Variants in YTHDF1 observed in about 807,000 individuals in gnomAD.
The protein encoded by YTHDF1 is YTH N6-methyladenosine RNA binding protein F1, also known as YTH domain-containing family protein 1.
A neutral mutation model predicts 49.1 loss-of-function variants in YTHDF1; 16 were observed. The ratio of observed to expected loss-of-function variants is 0.33; its 90% confidence interval spans 0.22 to 0.49. YTHDF1 has a LOEUF of 0.49. Among genes scored for constraint, YTHDF1 ranks in the 20% least tolerant of loss-of-function variants. YTHDF1 has a pLI of 0.99. For synonymous variants in YTHDF1, 313 were observed against 290.1 expected, an observed-to-expected ratio of 1.08 and a Z score of -0.80; for missense variants, 621 against 744.3, an observed-to-expected ratio of 0.83 and a Z score of 1.93.
chr20:63,213,752 A>T, intron 3 of YTHDF1, 112 bp downstream of exon 3: 1 of 955,602 alleles, frequency 1.0e-6, no homozygotes, highest in Non-Finnish European at 1.5e-6. Context: ...CTAATACTTT[A>T]TAGTCTGCTG....
rs191308515 is a variant in YTHDF1, at chr20:63,213,797, G to A, written c.132+67C>T. 18 of 1,371,360 alleles carry A rather than the reference G, an allele frequency of 1.3e-5. No homozygotes were observed. The South Asian group carries it at 1.9e-4, about 14-fold the overall frequency. The allele number at this position is 1,371,360 out of a possible 1,614,324, so 84.9% of individuals were successfully genotyped here. ...TTAGGATAATTTAAAAATCAGAAAT[G>A]ACAGTAAAGGTACAAAACAATTAAA... On this transcript the variant is annotated intron_variant, in intron 3 of 4. Coordinates refer to ENST00000370339, the MANE Select transcript of YTHDF1 (RefSeq NM_017798.4).
intron 2 of YTHDF1, 31 bp from the exon 3 acceptor site, chr20:63,213,974 C>T (rs751482283): frequency 6.4e-7 from 1 of 1,563,946 alleles, no homozygotes; most frequent in African/African-American, 1.4e-5. Context: ...ATATTACCCT[C>T]AAATTTTAAA....
chr20:63,204,422 C>T (rs1396055266), intron 3 of YTHDF1, among the ~76,000 whole-genome samples: 1 of 152,180 alleles, frequency 6.6e-6, no homozygotes, highest in African/African-American at 2.4e-5. Context: ...TTCCACACAC[C>T]CTTCCTAGCA....
Position 63,214,080 on chromosome 20 carries a change from G to A in YTHDF1, c.53-137C>T. ...TTTAATTTTAAAAGGAGTACAACCA[G>A]TATAGAACTGATGTTTATACAACTA... On this transcript the variant is annotated intron_variant, in intron 2 of 4. Transcript: ENST00000370339. 3.6e-6 allele frequency: 5 copies of A among 1,392,300 alleles called. No individual in the cohort carries two copies. The South Asian group carries it at 7.7e-5, about 21-fold the overall frequency. The allele number at this position is 1,392,300 out of a possible 1,614,324, so 86.2% of individuals were successfully genotyped here.
rs75849762 is a variant in YTHDF1 at position 63,214,240 on chromosome 20, C to T, written c.53-297G>A. On this transcript the variant is annotated intron_variant, in intron 2 of 4. Coordinates refer to ENST00000370339, the MANE Select transcript of YTHDF1 (RefSeq NM_017798.4). ...AACACATAACCAGGGTGAAAACTGA[C>T]ATGGTCTAAGAAGACTTATGTGTGG... 1,579 of 533,020 alleles carry T rather than the reference C, an allele frequency of 3.0e-3. 22 individuals carry two copies. Among genetic ancestry groups the T allele is most frequent in the African/African-American group, 0.028 (1,362 of 48,390 alleles). The allele number at this position is 533,020 out of a possible 1,614,324, so 33.0% of individuals were successfully genotyped here.
chr20:63,211,487 T>C (rs1479356621), intron 3 of YTHDF1, among the ~76,000 whole-genome samples: 1 of 152,126 alleles, frequency 6.6e-6, no homozygotes, highest in East Asian at 1.9e-4. Flanking sequence ...CCCAGAGCTA[T>C]TGATATGCCC....
chr20:63,213,569 C>A (rs556008801), intron 3 of YTHDF1, among the ~76,000 whole-genome samples: 19 of 152,202 alleles, frequency 1.2e-4, no homozygotes, highest in Admixed American at 2.0e-4. Flanking sequence ...ACACACACAC[C>A]TCCACTGCGT....
At chr20:63,202,264 T>C (rs758524733) in intron 4 of YTHDF1, 23 bp downstream of exon 4, 133 of 1,599,650 alleles carry the variant, frequency 8.3e-5, no homozygotes, top group Non-Finnish European at 1.1e-4. Context: ...TGCATGGCAG[T>C]TGCCTGCAAC....
chr20:63,214,425 G>A (rs2066591311), intron 2 of YTHDF1, among the ~76,000 whole-genome samples: 1 of 152,182 alleles, frequency 6.6e-6, no homozygotes, highest in African/African-American at 2.4e-5. Flanking sequence ...TCTGAGACAG[G>A]TCTCAGTTAA....
intron 2 of YTHDF1, among the ~76,000 whole-genome samples, chr20:63,214,906 G>A (rs925134844): frequency 4.6e-5 from 7 of 152,158 alleles, no homozygotes; most frequent in African/African-American, 1.7e-4. Flanking sequence ...AGTGATTTGG[G>A]TGCCCCAAGA....
intron 4 of YTHDF1, among the ~76,000 whole-genome samples, chr20:63,201,767 C>T (rs1015503877): frequency 1.3e-5 from 2 of 152,164 alleles, no homozygotes; most frequent in African/African-American, 2.4e-5. Flanking sequence ...AATAAAGCAA[C>T]GACCTCCAGA....
intron 3 of YTHDF1, among the ~76,000 whole-genome samples, chr20:63,208,138 A>G (rs935367019): frequency 3.9e-5 from 6 of 152,216 alleles, no homozygotes; most frequent in African/African-American, 1.4e-4. Flanking sequence ...TACTTCCTAT[A>G]TCCATTTTTC....
At chr20:63,211,071 T>C (rs1432418253) in intron 3 of YTHDF1, among the ~76,000 whole-genome samples, 2 of 151,096 alleles carry the variant, frequency 1.3e-5, no homozygotes, top group African/African-American at 4.9e-5. Context: ...GGCATTCTCC[T>C]AAGACTTTCT....
chr20:63,213,362 G>C (rs551391093), intron 3 of YTHDF1, among the ~76,000 whole-genome samples: 2 of 152,314 alleles, frequency 1.3e-5, no homozygotes, highest in African/African-American at 4.8e-5. Flanking sequence ...AACCCGGGAG[G>C]CAGAGGCTGC....
intron 3 of YTHDF1, among the ~76,000 whole-genome samples, chr20:63,205,521 T>A (rs967778945): frequency 1.3e-5 from 2 of 151,870 alleles, no homozygotes; most frequent in Non-Finnish European, 2.9e-5. Flanking sequence ...CCCCCCTTTT[T>A]TTTTTGGGAC....
At chr20:63,200,043 G>A (rs1323298439) in intron 4 of YTHDF1, among the ~76,000 whole-genome samples, 3 of 151,530 alleles carry the variant, frequency 2.0e-5, no homozygotes, top group Admixed American at 2.0e-4. Flanking sequence ...GACGGAGAAA[G>A]ACCTGTCTCA....
At chr20:63,199,395 T>C (rs927421316) in intron 4 of YTHDF1, among the ~76,000 whole-genome samples, 1 of 152,028 alleles carries the variant, frequency 6.6e-6, no homozygotes, top group African/African-American at 2.4e-5. Flanking sequence ...GGCAAGGGCC[T>C]GTAGTCCCAG....
chr20:63,214,740 C>CT (rs1444917285), intron 2 of YTHDF1, among the ~76,000 whole-genome samples: 1 of 152,176 alleles, frequency 6.6e-6, no homozygotes, highest in Non-Finnish European at 1.5e-5. Flanking sequence ...AGGAATGACT[C>CT]TGAGTTCTGT....
chr20:63,198,317 C>T (rs1001778968), intron 4 of YTHDF1, among the ~76,000 whole-genome samples: 2 of 151,674 alleles, frequency 1.3e-5, no homozygotes, highest in Non-Finnish European at 2.9e-5. Flanking sequence ...TGGTGACCGG[C>T]GCCTGTAATC....
Sources: allele counts gnomAD v4.1 joint callset (sites outside exome capture counted in the v4.1 genomes callset), GRCh38; gene constraint gnomAD v4.1.1; transcripts MANE v1.5; gene names NCBI Gene and HGNC (gene_info 2026-07-23, HGNC 2026-07-21).